The following CLMP variants were observed in gnomAD, a reference collection of about 807,000 sequenced individuals.
CLMP encodes the protein CXADR-like membrane protein.
A neutral mutation model predicts 45.2 loss-of-function variants in CLMP; 27 were observed. That is an observed-to-expected ratio of 0.60 (90% CI 0.44 to 0.82). The LOEUF (loss-of-function observed/expected upper bound fraction) is 0.82. Ranked by LOEUF, CLMP falls within the 40% of genes least tolerant of loss-of-function variation. CLMP has a pLI of 0.00. For missense variants in CLMP, 403 were observed against 448.4 expected, an observed-to-expected ratio of 0.90 and a Z score of 0.91; for synonymous variants, 167 against 171.4, an observed-to-expected ratio of 0.97 and a Z score of 0.20.
chr11:123,129,018 T>C (rs1216849671), intron 1 of CLMP, among the ~76,000 whole-genome samples: 1 of 152,150 alleles, frequency 6.6e-6, no homozygotes, highest in Non-Finnish European at 1.5e-5. Flanking sequence ...GCTTTAAAAT[T>C]TGTGCTTCTA....
At chr11:123,164,897 C>A (rs1007879453) in intron 1 of CLMP, among the ~76,000 whole-genome samples, 33 of 152,108 alleles carry the variant, frequency 2.2e-4, no homozygotes, top group Non-Finnish European at 7.4e-5. Context: ...ACCTTAGAAT[C>A]ATTGGAATTG....
chr11:123,189,958 T>G (rs1459958584), intron 1 of CLMP, among the ~76,000 whole-genome samples: 2 of 146,974 alleles, frequency 1.4e-5, no homozygotes, highest in Non-Finnish European at 3.0e-5. Context: ...GTGGAGACTG[T>G]GCCACTGCAC....
chr11:123,177,511 G>A (rs1017547521), intron 1 of CLMP, among the ~76,000 whole-genome samples: 1 of 152,140 alleles, frequency 6.6e-6, no homozygotes, highest in African/African-American at 2.4e-5. Flanking sequence ...CACATGAGGG[G>A]TTCATGGGAA....
intron 1 of CLMP, among the ~76,000 whole-genome samples, chr11:123,157,804 G>A (rs1565399687): frequency 1.3e-5 from 2 of 151,416 alleles, no homozygotes; most frequent in African/African-American, 2.4e-5. Context: ...TGTAAGTAAC[G>A]GAGCAGAGAC....
At chr11:123,074,950 G>GT in intron 5 of CLMP, 107 bp from the exon 6 acceptor site, 1 of 1,201,650 alleles carries the variant, frequency 8.3e-7, no homozygotes, top group Non-Finnish European at 1.1e-6. Context: ...TTGCAGGTTT[G>GT]TTTGTTTTGT....
intron 1 of CLMP, among the ~76,000 whole-genome samples, chr11:123,172,807 T>C (rs78475486): frequency 0.015 from 2,342 of 152,338 alleles, 71 homozygotes; most frequent in African/African-American, 0.053. Context: ...TTTTACATTG[T>C]ATTTTATTAT....
At chr11:123,086,962 G>A (rs955697408) in intron 2 of CLMP, among the ~76,000 whole-genome samples, 10 of 152,204 alleles carry the variant, frequency 6.6e-5, no homozygotes, top group Non-Finnish European at 1.0e-4. Flanking sequence ...GGGACGCCAA[G>A]GCAAGCAGAT....
At chr11:123,079,286 A>G (rs781237328) in intron 5 of CLMP, among the ~76,000 whole-genome samples, 4 of 152,186 alleles carry the variant, frequency 2.6e-5, no homozygotes, top group African/African-American at 9.7e-5. Flanking sequence ...CCTTTCTAAT[A>G]TAGATTCTAC....
At chr11:123,143,532 T>C (rs932419506) in intron 1 of CLMP, among the ~76,000 whole-genome samples, 8 of 151,418 alleles carry the variant, frequency 5.3e-5, no homozygotes, top group African/African-American at 1.9e-4. Context: ...GGGGGGGGCA[T>C]GAGACAGGGA....
intron 1 of CLMP, among the ~76,000 whole-genome samples, chr11:123,137,514 G>C (rs887996430): frequency 6.6e-6 from 1 of 152,054 alleles, no homozygotes; most frequent in Non-Finnish European, 1.5e-5. Flanking sequence ...ACCAGAGGCC[G>C]AGCTTGGACC....
At chr11:123,139,598 A>T (rs2135515767) in intron 1 of CLMP, among the ~76,000 whole-genome samples, 1 of 152,260 alleles carries the variant, frequency 6.6e-6, no homozygotes, top group Non-Finnish European at 1.5e-5. Context: ...AGGCTGAAGC[A>T]GGTGGATCAC....
intron 1 of CLMP, among the ~76,000 whole-genome samples, chr11:123,114,913 C>A (rs1475820795): frequency 6.6e-6 from 1 of 152,144 alleles, no homozygotes; most frequent in Non-Finnish European, 1.5e-5. Flanking sequence ...CTAATCCAGC[C>A]ATTTAACTCT....
At chr11:123,080,635 A>T (rs1421852959) in intron 5 of CLMP, among the ~76,000 whole-genome samples, 1 of 152,134 alleles carries the variant, frequency 6.6e-6, no homozygotes, top group East Asian at 1.9e-4. Flanking sequence ...ACAAAGGTAT[A>T]TCTCTTGAAG....
At position 123,071,349 on chromosome 11, in the gene CLMP, C is replaced by T. The variant is rs1349234553; in HGVS notation, c.*2125G>A. 1 of 152,154 alleles carries T rather than the reference C, an allele frequency of 6.6e-6. No individual in the cohort carries two copies. Among genetic ancestry groups the T allele is most frequent in the East Asian group, 1.9e-4 (1 of 5,178 alleles). 9.4% of individuals were successfully genotyped at this position (152,154 alleles called of 1,614,324 possible). A position where few individuals can be genotyped will look rare whatever the true frequency, so the allele number is the denominator to read the frequency against. ...ACTTGGGGGACTGAGGAAGGAGAAT[C>T]GCTTGAACTCGGGAGGTGGAGGTCG... On this transcript the variant is annotated 3_prime_UTR_variant, in exon 7 of 7. Coordinates refer to ENST00000448775, the MANE Select transcript of CLMP (RefSeq NM_024769.5).
At chr11:123,146,652 T>C (rs762559933) in intron 1 of CLMP, among the ~76,000 whole-genome samples, 2 of 152,154 alleles carry the variant, frequency 1.3e-5, no homozygotes, top group Non-Finnish European at 2.9e-5. Flanking sequence ...ATTGGTTCTT[T>C]TTCCATGGGC....
At chr11:123,089,660 C>G (rs547324301) in intron 2 of CLMP, among the ~76,000 whole-genome samples, 5 of 151,812 alleles carry the variant, frequency 3.3e-5, no homozygotes, top group African/African-American at 1.2e-4. Context: ...GCCCGTAGTT[C>G]CAGCTACTCG....
chr11:123,161,273 C>A (rs1036820870), intron 1 of CLMP, among the ~76,000 whole-genome samples: 2 of 152,136 alleles, frequency 1.3e-5, no homozygotes, highest in African/African-American at 2.4e-5. Flanking sequence ...ACAGATGGAG[C>A]AAATAATTTA....
intron 1 of CLMP, among the ~76,000 whole-genome samples, chr11:123,163,380 G>T (rs1369489692): frequency 6.6e-6 from 1 of 152,204 alleles, no homozygotes; most frequent in South Asian, 2.1e-4. Flanking sequence ...CAGGCTACAG[G>T]TAGGGAGACC....
intron 1 of CLMP, among the ~76,000 whole-genome samples, chr11:123,113,268 A>G (rs550688018): frequency 6.6e-6 from 1 of 152,344 alleles, no homozygotes; most frequent in East Asian, 1.9e-4. Context: ...ACCTGTTACC[A>G]TTCTAGGTGC....
Sources: allele counts gnomAD v4.1 joint callset (sites outside exome capture counted in the v4.1 genomes callset), GRCh38; gene constraint gnomAD v4.1.1; transcripts MANE v1.5; gene names NCBI Gene and HGNC (gene_info 2026-07-23, HGNC 2026-07-21).